Variants in STON1 observed in about 807,000 individuals in gnomAD.
STON1 encodes the protein stonin-1.
In STON1, 79 loss-of-function variants were observed where a neutral mutation model predicts 60.9. That is an observed-to-expected ratio of 1.30 (90% CI 1.08 to 1.56). The LOEUF is 1.56. Ranked by LOEUF, STON1 falls within the 40% of genes most tolerant of loss-of-function variation. The pLI, the probability that STON1 is intolerant of heterozygous loss-of-function variation, is 0.00. For missense variants in STON1, 1,166 were observed against 858.9 expected (o/e 1.36, Z -4.47); for synonymous variants, 363 against 306.9 (o/e 1.18, Z -1.91).
At chr2:48,552,236 A>G (rs1194614852) in intron 1 of STON1, among the ~76,000 whole-genome samples, 2 of 152,248 alleles carry the variant, frequency 1.3e-5, no homozygotes, top group Non-Finnish European at 2.9e-5. Context: ...TATGTGAAAT[A>G]AGCCAGACAC....
intron 1 of STON1, among the ~76,000 whole-genome samples, chr2:48,576,817 G>C (rs902616956): frequency 1.3e-5 from 2 of 150,212 alleles, no homozygotes; most frequent in African/African-American, 4.9e-5. Context: ...GCATTTTGGA[G>C]GCAGAGACGG....
chr2:48,545,487 T>A (rs1671830024), intron 1 of STON1, among the ~76,000 whole-genome samples: 1 of 152,200 alleles, frequency 6.6e-6, no homozygotes, highest in Non-Finnish European at 1.5e-5. Flanking sequence ...TGGCTTGCTG[T>A]CTGTCTAACC....
At chr2:48,563,701 T>C (rs2103834708) in intron 1 of STON1, among the ~76,000 whole-genome samples, 2 of 150,064 alleles carry the variant, frequency 1.3e-5, no homozygotes, top group Middle Eastern at 3.7e-3. Flanking sequence ...TTTTTGTTGT[T>C]GTTGTTGTTT....
intron 1 of STON1, among the ~76,000 whole-genome samples, chr2:48,536,072 G>A (rs1300295087): frequency 2.0e-5 from 3 of 152,162 alleles, no homozygotes; most frequent in African/African-American, 7.2e-5. Context: ...GGGTGACAGA[G>A]CGACACTCTG....
At chr2:48,530,849 A>G (rs980765971) in intron 1 of STON1, 3 of 152,260 alleles carry the variant, frequency 2.0e-5, no homozygotes, top group Non-Finnish European at 2.9e-5. Flanking sequence ...TTCACTGGGT[A>G]TTGGGGTTGG....
chr2:48,573,818 T>C (rs1288756107), intron 1 of STON1, among the ~76,000 whole-genome samples: 1 of 152,222 alleles, frequency 6.6e-6, no homozygotes, highest in Admixed American at 6.5e-5. Context: ...GATATTTCCA[T>C]GCAGTGGACT....
intron 1 of STON1, among the ~76,000 whole-genome samples, chr2:48,570,955 T>C (rs956419691): frequency 7.0e-6 from 1 of 143,472 alleles, no homozygotes; most frequent in Non-Finnish European, 1.5e-5. Flanking sequence ...CTCCACCTCC[T>C]GGGCTCAAGC....
chr2:48,548,483 C>T (rs184778175), intron 1 of STON1, among the ~76,000 whole-genome samples: 2 of 151,928 alleles, frequency 1.3e-5, no homozygotes, highest in East Asian at 3.9e-4. Context: ...TTCCTTTCTT[C>T]TTTCATTTTT....
At position 48,545,887 on chromosome 2, in the gene STON1, A is replaced by T. The variant is rs191338303; in HGVS notation, c.-48+15671A>T. 9.8e-5 allele frequency among the ~76,000 whole-genome samples: 15 copies of T among 152,298 alleles called. 1 individual carries two copies. The highest frequency in any genetic ancestry group is 9.2e-4 in the Admixed American group (14 of 15,294). ...AATTGGTCATGATGCTAAGGCTGAC[A>T]TTACTTTCTGGGGCCACCAAGTCAC... On this transcript the variant is annotated intron_variant, in intron 1 of 3. Coordinates refer to ENST00000404752, the MANE Select transcript of STON1 (RefSeq NM_006873.4).
At chr2:48,564,493 T>C (rs867883939) in intron 1 of STON1, among the ~76,000 whole-genome samples, 16 of 21,226 alleles carry the variant, frequency 7.5e-4, no homozygotes, top group East Asian at 1.4e-3. Context: ...CTTCTTCTTC[T>C]TCTTCTTCTT....
At position 48,581,885 on chromosome 2, in the gene STON1, G is replaced by A. The variant is rs137911597; in HGVS notation, c.1252G>A (p.Glu418Lys). ...KNYEEQEISL[E>K]IVDNFWGKVT... ...CTACGAGGAGCAAGAAATTTCCTTG[G>A]AAATTGTGGACAACTTTTGGGGTAA... The change falls in exon 2 of 4, where the codon GAA becomes AAA. Residue 418 changes from glutamate (E) to lysine (K), a missense_variant. Transcript: ENST00000404752. 1.5e-5 allele frequency: 24 copies of A among 1,613,944 alleles called. No homozygotes were observed. The highest frequency in any genetic ancestry group is 1.9e-5 in the Non-Finnish European group (22 of 1,180,034).
At chr2:48,535,976 A>T (rs1409850177) in intron 1 of STON1, among the ~76,000 whole-genome samples, 2 of 152,106 alleles carry the variant, frequency 1.3e-5, no homozygotes, top group East Asian at 3.9e-4. Flanking sequence ...GGTCCCAGCT[A>T]CTTGGGAGGC....
intron 2 of STON1, among the ~76,000 whole-genome samples, chr2:48,582,820 G>A (rs948219927): frequency 6.6e-6 from 1 of 152,154 alleles, no homozygotes; most frequent in Non-Finnish European, 1.5e-5. Context: ...AATTTGTTGT[G>A]GATGGCGGCA....
At position 48,578,581 on chromosome 2, in the gene STON1, C is replaced by CTTTTTTTTTTTTTTTTTTTTT. The variant is rs59933765; in HGVS notation, c.-47-2001_-47-1981dup. 1.3e-3 allele frequency among the ~76,000 whole-genome samples: 62 copies of CTTTTTTTTTTTTTTTTTTTTT among 46,168 alleles called. 8 individuals carry two copies. Among genetic ancestry groups the CTTTTTTTTTTTTTTTTTTTTT allele is most frequent in the East Asian group, 1.9e-3 (2 of 1,058 alleles). 30.3% of individuals were successfully genotyped at this position (46,168 alleles called of 152,430 possible). ...CTTCTCCTCCTCCTCCTCCTCCTTC[C>CTTTTTTTTTTTTTTTTTTTTT]TTTTTTTTTTTTTTTTTTTTTTTTT... is the stretch of plus-strand genomic sequence containing the variant. On this transcript the variant is annotated intron_variant, in intron 1 of 3. Coordinates refer to ENST00000404752, the MANE Select transcript of STON1 (RefSeq NM_006873.4).
chr2:48,538,083 A>G (rs1671503826), intron 1 of STON1, among the ~76,000 whole-genome samples: 1 of 151,396 alleles, frequency 6.6e-6, no homozygotes, highest in South Asian at 2.1e-4. Context: ...CCTCCTTAGT[A>G]GCTGGGATTA....
intron 1 of STON1, among the ~76,000 whole-genome samples, chr2:48,568,066 A>G (rs1673024934): frequency 6.6e-6 from 1 of 152,198 alleles, no homozygotes. Flanking sequence ...TAAAGGACTC[A>G]ATTCAGCCCT....
At chr2:48,586,578 C>G (rs981992960) in intron 2 of STON1, among the ~76,000 whole-genome samples, 2 of 152,120 alleles carry the variant, frequency 1.3e-5, no homozygotes, top group African/African-American at 4.8e-5. Context: ...AAAGAAACAG[C>G]AGAACCACAG....
At chr2:48,557,100 G>A (rs1460420337) in intron 1 of STON1, among the ~76,000 whole-genome samples, 7 of 107,124 alleles carry the variant, frequency 6.5e-5, no homozygotes, top group Non-Finnish European at 1.0e-4. Flanking sequence ...CTCCCGGACG[G>A]GGTGGCTGCC....
Position 48,595,424 on chromosome 2 carries a change from T to G in STON1, c.*122T>G. 1.2e-6 allele frequency: 1 copy of G among 803,530 alleles called. No homozygotes were observed. Among genetic ancestry groups the G allele is most frequent in the Non-Finnish European group, 2.0e-6 (1 of 504,970 alleles). 49.8% of individuals were successfully genotyped at this position (803,530 alleles called of 1,614,324 possible). A position where few individuals can be genotyped will look rare whatever the true frequency, so the allele number is the denominator to read the frequency against. On this transcript the variant is annotated 3_prime_UTR_variant, in exon 4 of 4. Coordinates refer to ENST00000404752, the MANE Select transcript of STON1 (RefSeq NM_006873.4). ...AATAGCGGTTTTAGGACAGGTCTGA[T>G]GGCTGTGTTTAGAGAAGTTTAGACC... is the stretch of plus-strand genomic sequence containing the variant.
Sources: allele counts gnomAD v4.1 joint callset (sites outside exome capture counted in the v4.1 genomes callset), GRCh38; gene constraint gnomAD v4.1.1; transcripts MANE v1.5; gene names NCBI Gene and HGNC (gene_info 2026-07-23, HGNC 2026-07-21).